VPS41: variants seen among roughly 807,000 people sequenced by gnomAD.
The protein encoded by VPS41 is VPS41 subunit of HOPS complex.
A neutral mutation model predicts 130.9 loss-of-function variants in VPS41; 85 were observed. That is an observed-to-expected ratio of 0.65 (90% CI 0.55 to 0.78). VPS41 has a LOEUF of 0.78. Ranked by LOEUF, VPS41 falls within the 30% of genes least tolerant of loss-of-function variation. VPS41 has a pLI of 0.00. For synonymous variants in VPS41, 335 were observed against 332.9 expected (o/e 1.01, Z -0.07); for missense variants, 874 against 1,018.7 (o/e 0.86, Z 1.93).
chr7:38,800,947 A>G (rs765976519), intron 7 of VPS41, among the ~76,000 whole-genome samples: 1 of 152,254 alleles, frequency 6.6e-6, no homozygotes, highest in Non-Finnish European at 1.5e-5. Context: ...TACTTTTCAA[A>G]TAAAACATTA....
intron 1 of VPS41, among the ~76,000 whole-genome samples, chr7:38,902,340 C>T (rs563901821): frequency 2.0e-5 from 3 of 152,296 alleles, no homozygotes; most frequent in African/African-American, 4.8e-5. Context: ...TCTCCACAAA[C>T]CTGTGACCCT....
intron 4 of VPS41, among the ~76,000 whole-genome samples, chr7:38,857,081 A>C (rs1050271355): frequency 2.0e-5 from 3 of 152,224 alleles, no homozygotes; most frequent in Non-Finnish European, 2.9e-5. Flanking sequence ...TTTTATCAGC[A>C]CATGAACACG....
intron 10 of VPS41, among the ~76,000 whole-genome samples, chr7:38,777,378 A>AT (rs1269862104): frequency 6.6e-6 from 1 of 151,700 alleles, no homozygotes; most frequent in African/African-American, 2.4e-5. Flanking sequence ...CTTTAAAAAA[A>AT]AATCCATTTA....
At chr7:38,818,939 T>G (rs1471319966) in intron 6 of VPS41, among the ~76,000 whole-genome samples, 3 of 152,218 alleles carry the variant, frequency 2.0e-5, no homozygotes. Flanking sequence ...TTCATTGCTC[T>G]AAACACTCCT....
At chr7:38,872,572 T>C (rs146950112) in intron 2 of VPS41, among the ~76,000 whole-genome samples, 105 of 152,318 alleles carry the variant, frequency 6.9e-4, no homozygotes, top group African/African-American at 2.3e-3. Context: ...ATACCTGTTA[T>C]TAACTTTCCA....
chr7:38,743,300 A>G, intron 24 of VPS41, 102 bp downstream of exon 24: 1 of 1,395,658 alleles, frequency 7.2e-7, no homozygotes, highest in Non-Finnish European at 9.9e-7. Flanking sequence ...GTACGCTACC[A>G]TTTTCTTAAC....
intron 4 of VPS41, among the ~76,000 whole-genome samples, chr7:38,847,654 C>T (rs968192005): frequency 5.6e-4 from 85 of 152,266 alleles, no homozygotes; most frequent in African/African-American, 1.9e-3. Flanking sequence ...ATATAGCAGA[C>T]CCATGAAGGC....
intron 4 of VPS41, among the ~76,000 whole-genome samples, chr7:38,849,581 G>C (rs575740404): frequency 3.6e-4 from 55 of 152,334 alleles, no homozygotes; most frequent in African/African-American, 9.9e-4. Flanking sequence ...GCCAAACTCT[G>C]TGTTGTTCTA....
At chr7:38,896,341 AAGC>A (rs1786991727) in intron 2 of VPS41, among the ~76,000 whole-genome samples, 1 of 152,206 alleles carries the variant, frequency 6.6e-6, no homozygotes, top group African/African-American at 2.4e-5. Context: ...CCCTATCTAT[AAGC>A]AAACTCAGAA....
Position 38,726,981 on chromosome 7 carries a change from A to C in VPS41, c.2412T>G (p.Ala804=). 6.4e-7 allele frequency: 1 copy of C among 1,571,926 alleles called. No homozygotes were observed. Among genetic ancestry groups the C allele is most frequent in the Non-Finnish European group, 8.6e-7 (1 of 1,158,218 alleles). Reference sequence around the variant, plus strand: ...GGAAGACCACCACGCTGAAGGGCTTAGCTGCATCTGGCGAGGAGGGCAGAG... The same window carrying C: ...GGAAGACCACCACGCTGAAGGGCTTCGCTGCATCTGGCGAGGAGGGCAGAG... ...CLSPILPSDA[A]KPFSVVVFHC... is the part of the protein sequence containing the mutation. The change falls in exon 28 of 29, where the codon GCT becomes GCG. Residue 804 remains alanine, a synonymous_variant. Coordinates refer to ENST00000310301, the MANE Select transcript of VPS41 (RefSeq NM_014396.4).
chr7:38,808,284 A>G (rs958018826), intron 7 of VPS41, among the ~76,000 whole-genome samples: 4 of 152,236 alleles, frequency 2.6e-5, no homozygotes, highest in African/African-American at 9.6e-5. Flanking sequence ...TTAGCCTCAG[A>G]TAGCTTAGTA....
intron 7 of VPS41, among the ~76,000 whole-genome samples, chr7:38,803,918 A>T (rs1784786405): frequency 6.6e-6 from 1 of 152,268 alleles, no homozygotes; most frequent in South Asian, 2.1e-4. Context: ...GTGTCCATCA[A>T]GATAGAATAT....
chr7:38,809,947 A>G (rs1323929315), intron 7 of VPS41, among the ~76,000 whole-genome samples: 1 of 152,184 alleles, frequency 6.6e-6, no homozygotes, highest in African/African-American at 2.4e-5. Flanking sequence ...GACAACATTC[A>G]CTTGACAGAT....
intron 10 of VPS41, among the ~76,000 whole-genome samples, chr7:38,789,210 C>G (rs972017704): frequency 2.6e-5 from 4 of 152,056 alleles, no homozygotes; most frequent in African/African-American, 9.7e-5. Flanking sequence ...AAAACAGACC[C>G]TGTGTGTGCT....
intron 4 of VPS41, among the ~76,000 whole-genome samples, chr7:38,839,328 T>A (rs1164158961): frequency 1.3e-5 from 2 of 152,230 alleles, no homozygotes; most frequent in Non-Finnish European, 2.9e-5. Flanking sequence ...AAAACACACC[T>A]AATCGCAGGT....
At chr7:38,790,665 T>G (rs1003239501) in intron 9 of VPS41, among the ~76,000 whole-genome samples, 4 of 152,222 alleles carry the variant, frequency 2.6e-5, no homozygotes, top group Non-Finnish European at 4.4e-5. Context: ...ATAGGTTATA[T>G]GCAAATACCG....
At chr7:38,902,865 G>A (rs75403507) in intron 1 of VPS41, among the ~76,000 whole-genome samples, 90 of 152,184 alleles carry the variant, frequency 5.9e-4, no homozygotes, top group African/African-American at 2.0e-3. Context: ...GTTTCTTCCC[G>A]TACCCCTCAG....
chr7:38,724,244 T>C lies in VPS41; in HGVS notation c.*2002A>G, dbSNP rs950961201. The C allele has an allele frequency of 1.3e-5, 2 of 152,242 alleles. No homozygotes were observed. Among genetic ancestry groups the C allele is most frequent in the African/African-American group, 4.8e-5 (2 of 41,458 alleles). The allele number at this position is 152,242 out of a possible 1,614,324, so 9.4% of individuals were successfully genotyped here. On this transcript the variant is annotated 3_prime_UTR_variant, in exon 29 of 29. Coordinates refer to ENST00000310301, the MANE Select transcript of VPS41 (RefSeq NM_014396.4). ...ACTTCACTGAAATTAGCAAATCCTATTGATGATCTTAAAGTAAACTTTTCT... is the reference window on the plus strand; with the variant it reads ...ACTTCACTGAAATTAGCAAATCCTACTGATGATCTTAAAGTAAACTTTTCT...
intron 4 of VPS41, among the ~76,000 whole-genome samples, chr7:38,858,649 C>T (rs1786036103): frequency 6.6e-6 from 1 of 152,156 alleles, no homozygotes; most frequent in South Asian, 2.1e-4. Context: ...AAATTCCTAA[C>T]ACTCTGTGTC....
Sources: gnomAD v4.1 joint callset for allele counts (sites outside exome capture counted in the v4.1 genomes callset) on GRCh38, gnomAD v4.1.1 for gene constraint, MANE v1.5 for transcripts, NCBI Gene and HGNC (gene_info 2026-07-23, HGNC 2026-07-21) for gene names.